The following DENND1A variants were observed in gnomAD, a reference collection of about 807,000 sequenced individuals.
The protein encoded by DENND1A is DENN domain-containing protein 1A.
Under a neutral mutation model 113.7 loss-of-function variants are expected in DENND1A, and 51 were observed. The observed-to-expected ratio is 0.45, with a 90% CI of 0.36 to 0.57. DENND1A has a LOEUF of 0.57. Ranked by LOEUF, DENND1A falls within the 20% of genes least tolerant of loss-of-function variation. DENND1A has a pLI of 0.00. For missense variants in DENND1A, 1,258 were observed against 1,395.9 expected, an observed-to-expected ratio of 0.90 and a Z score of 1.57; for synonymous variants, 565 against 570.8, an observed-to-expected ratio of 0.99 and a Z score of 0.14.
At chr9:123,720,051 CTTTGA>C (rs1204564091) in intron 5 of DENND1A, among the ~76,000 whole-genome samples, 4 of 152,228 alleles carry the variant, frequency 2.6e-5, no homozygotes, top group African/African-American at 7.2e-5. Context: ...TAAAGGCTTG[CTTTGA>C]TTTAATTTCC....
intron 11 of DENND1A, among the ~76,000 whole-genome samples, chr9:123,586,768 C>T (rs2059185932): frequency 6.6e-6 from 1 of 152,130 alleles, no homozygotes; most frequent in African/African-American, 2.4e-5. Context: ...GGGGTGGGGA[C>T]AGGAAGCGCG....
At chr9:123,522,618 C>A (rs1350484061) in intron 13 of DENND1A, among the ~76,000 whole-genome samples, 1 of 152,210 alleles carries the variant, frequency 6.6e-6, no homozygotes, top group Non-Finnish European at 1.5e-5. Context: ...AATGTCCATA[C>A]TTCACACCAA....
chr9:123,840,129 G>A (rs1164150874), intron 2 of DENND1A, among the ~76,000 whole-genome samples: 1 of 148,454 alleles, frequency 6.7e-6, no homozygotes, highest in African/African-American at 2.5e-5. Flanking sequence ...TATATTCCTG[G>A]AGTAAATACA....
chr9:123,459,799 C>T (rs991750818), intron 13 of DENND1A, among the ~76,000 whole-genome samples: 1 of 151,942 alleles, frequency 6.6e-6, no homozygotes, highest in Admixed American at 6.6e-5. Context: ...GTCGAGCTTC[C>T]GTAAGTTCTA....
chr9:123,582,243 T>A (rs1382679721), intron 12 of DENND1A, among the ~76,000 whole-genome samples: 4 of 152,142 alleles, frequency 2.6e-5, no homozygotes, highest in Non-Finnish European at 4.4e-5. Flanking sequence ...TGGAGGGAGC[T>A]GCCCTGATCT....
chr9:123,383,830 G>A lies in DENND1A; in HGVS notation c.1844C>T (p.Ser615Phe), dbSNP rs1265822180. The change falls in exon 23 of 24, where the codon TCC (serine) becomes TTC (phenylalanine). Residue 615 changes from serine to phenylalanine, a missense_variant. By Grantham distance (155) the Ser-to-Phe change is radical (BLOSUM62 -2). This residue lies in a region of DENND1A where 1,159 missense variants were observed against 1,231.7 expected (regional missense o/e 0.94). Transcript: ENST00000394215. ...AESPEQQVRK[S>F]TGPVPAPPDR... The stretch of plus-strand genomic sequence containing the variant: ...AGGGGGAGCTGGGACAGGGCCTGTG[G>A]ACTTCCGCACTTGCTGCTCTGGACT... The A allele has an allele frequency of 6.2e-7, 1 of 1,613,750 alleles. No homozygotes were observed. The highest frequency in any genetic ancestry group is 1.3e-5 in the African/African-American group (1 of 74,938).
At chr9:123,550,555 T>C (rs2056978745) in intron 13 of DENND1A, among the ~76,000 whole-genome samples, 1 of 152,208 alleles carries the variant, frequency 6.6e-6, no homozygotes, top group African/African-American at 2.4e-5. Flanking sequence ...TGCACCGTCA[T>C]GCAGCATGGG....
intron 2 of DENND1A, among the ~76,000 whole-genome samples, chr9:123,832,632 A>C (rs542669899): frequency 2.4e-4 from 35 of 145,472 alleles, no homozygotes; most frequent in Non-Finnish European, 4.1e-4. Context: ...CAGACAGTAG[A>C]ATGGATCGAT....
intron 6 of DENND1A, among the ~76,000 whole-genome samples, chr9:123,676,046 A>G (rs1327013388): frequency 6.6e-6 from 1 of 152,234 alleles, no homozygotes; most frequent in Non-Finnish European, 1.5e-5. Flanking sequence ...GCCATGAAAA[A>G]TATTTATAAC....
At chr9:123,723,481 AC>A (rs1464450844) in intron 5 of DENND1A, among the ~76,000 whole-genome samples, 4 of 152,126 alleles carry the variant, frequency 2.6e-5, no homozygotes, top group African/African-American at 9.7e-5. Context: ...CTGCATTCCC[AC>A]CCAAATCTCA....
intron 5 of DENND1A, among the ~76,000 whole-genome samples, chr9:123,743,534 C>T (rs1589896431): frequency 6.6e-6 from 1 of 151,742 alleles, no homozygotes; most frequent in African/African-American, 2.4e-5. Flanking sequence ...GGGTTTGAGA[C>T]CAGCCTGACC....
chr9:123,779,615 T>A (rs1830955904), intron 3 of DENND1A, among the ~76,000 whole-genome samples: 1 of 152,164 alleles, frequency 6.6e-6, no homozygotes, highest in Non-Finnish European at 1.5e-5. Flanking sequence ...TCCTCTCACC[T>A]CAGCCTCCTG....
Position 123,383,890 on chromosome 9 carries a change from C to G in DENND1A, c.1784G>C (p.Arg595Thr), listed in dbSNP as rs987183920. The G allele has an allele frequency of 6.2e-7, 1 of 1,611,824 alleles. No individual in the cohort carries two copies. The highest frequency in any genetic ancestry group is 8.5e-7 in the Non-Finnish European group (1 of 1,179,820). Residue 595 changes from arginine to threonine, a missense_variant, in exon 23 of 24, where the codon AGG becomes ACG. By Grantham distance (71) the Arg-to-Thr change is moderately conservative (BLOSUM62 -1). This residue lies in a region of DENND1A where 1,159 missense variants were observed against 1,231.7 expected (regional missense o/e 0.94). Transcript: ENST00000394215. ...FEWPQPYRTL[R>T]ESDSAEGDEA... Reference sequence around the variant, plus strand: ...GTCGCCTTCCGCGCTGTCTGACTCCCTGAGTGTCCGATACGGCTGCGGCCT... The same window carrying G: ...GTCGCCTTCCGCGCTGTCTGACTCCGTGAGTGTCCGATACGGCTGCGGCCT...
intron 13 of DENND1A, chr9:123,485,631 T>TGCGCCCGTGTGTGTGTGC (rs1340882880): frequency 6.4e-5 from 9 of 140,158 alleles, no homozygotes; most frequent in African/African-American, 1.7e-4. Context: ...TGTGTGTGTG[T>TGCGCCCGTGTGTGTGTGC]GCGCGTACAC....
intron 2 of DENND1A, among the ~76,000 whole-genome samples, chr9:123,867,987 A>G (rs541485111): frequency 2.0e-4 from 31 of 152,348 alleles, no homozygotes; most frequent in South Asian, 4.1e-4. Context: ...CAGAGAATCA[A>G]GAGATAGGGA....
rs1244208107 is a variant in DENND1A at position 123,382,523 on chromosome 9, C to T, written c.2122G>A (p.Ala708Thr). 9.3e-6 allele frequency: 15 copies of T among 1,613,994 alleles called. No individual in the cohort carries two copies. The highest frequency in any genetic ancestry group is 1.2e-5 in the Non-Finnish European group (14 of 1,180,026). The part of the protein sequence containing the change: ...KLWSLGQDDM[A>T]IPSKPPAASP... ...GCAGCTGGGGGCTTGCTGGGGATGG[C>T]CATGTCGTCCTGGCCCAGGCTCCAG... Residue 708 changes from alanine (A) to threonine (T), a missense_variant, in exon 24 of 24, where the codon GCC becomes ACC. Ala to Thr is a moderately conservative substitution (Grantham distance 58). Coordinates refer to ENST00000394215, the MANE Select transcript of DENND1A (RefSeq NM_001352964.2).
chr9:123,383,884 G>A lies in DENND1A; in HGVS notation c.1790C>T (p.Ser597Leu), dbSNP rs1203276014. The A allele has an allele frequency of 6.2e-7, 1 of 1,612,116 alleles. No homozygotes were observed. Among genetic ancestry groups the A allele is most frequent in the Non-Finnish European group, 8.5e-7 (1 of 1,179,848 alleles). Residue 597 changes from serine (S) to leucine (L), a missense_variant, in exon 23 of 24, where the codon TCA becomes TTA. Physicochemically the swap from Ser to Leu is moderately radical, Grantham distance 145. Coordinates refer to ENST00000394215, the MANE Select transcript of DENND1A (RefSeq NM_001352964.2). ...WPQPYRTLRE[S>L]DSAEGDEAES... ...TGCCTCGTCGCCTTCCGCGCTGTCTGACTCCCTGAGTGTCCGATACGGCTG... is the reference window on the plus strand; with the variant it reads ...TGCCTCGTCGCCTTCCGCGCTGTCTAACTCCCTGAGTGTCCGATACGGCTG...
intron 5 of DENND1A, among the ~76,000 whole-genome samples, chr9:123,748,132 TA>T (rs1424073669): frequency 1.3e-5 from 2 of 152,176 alleles, no homozygotes; most frequent in Non-Finnish European, 1.5e-5. Context: ...CTCACACAAA[TA>T]AATTATGTAG....
At chr9:123,583,827 T>C (rs544844166) in intron 11 of DENND1A, among the ~76,000 whole-genome samples, 1 of 152,210 alleles carries the variant, frequency 6.6e-6, no homozygotes, top group Non-Finnish European at 1.5e-5. Flanking sequence ...GATATCCAGT[T>C]AGTAATGGCT....
Sources: allele counts gnomAD v4.1 joint callset (sites outside exome capture counted in the v4.1 genomes callset), GRCh38; gene constraint gnomAD v4.1.1; regional missense constraint gnomAD v4.1.1; transcripts MANE v1.5; gene names NCBI Gene and HGNC (gene_info 2026-07-23, HGNC 2026-07-21).